Variants in CEACAM19 observed in about 807,000 individuals in gnomAD.
CEACAM19 encodes CEA cell adhesion molecule 19.
Under a neutral mutation model 37.6 loss-of-function variants are expected in CEACAM19, and 37 were observed. The observed-to-expected ratio is 0.98, with a 90% confidence interval of 0.76 to 1.29. The LOEUF (loss-of-function observed/expected upper bound fraction) is 1.29. Among genes scored for constraint, CEACAM19 ranks in the 50% most tolerant of loss-of-function variants. The pLI is 0.00. For missense variants in CEACAM19, 340 were observed against 375.6 expected (o/e 0.91, Z 0.78); for synonymous variants, 140 against 149.8 (o/e 0.93, Z 0.48).
Position 44,684,205 on chromosome 19 carries a change from A to G in CEACAM19, c.*715A>G, listed in dbSNP as rs989067460. The G allele has an allele frequency of 6.6e-6, 1 of 152,048 alleles. No individual in the cohort carries two copies. The highest frequency in any genetic ancestry group is 1.5e-5 in the Non-Finnish European group (1 of 68,078). The allele number at this position is 152,048 out of a possible 1,614,324, so 9.4% of individuals were successfully genotyped here. On this transcript the variant is annotated 3_prime_UTR_variant, in exon 8 of 8. Transcript: ENST00000358777. Reference sequence around the variant, plus strand: ...AGCTTGTCCTCCCCTTCCCCAAACTATGCATTCATTCAGCAATAAATGAGC... The same window carrying G: ...AGCTTGTCCTCCCCTTCCCCAAACTGTGCATTCATTCAGCAATAAATGAGC...
Position 44,678,954 on chromosome 19 carries a change from C to T in CEACAM19, c.659+18C>T, listed in dbSNP as rs1289466434. 1.9e-6 allele frequency: 3 copies of T among 1,612,756 alleles called. No individual in the cohort carries two copies. Among genetic ancestry groups the T allele is most frequent in the African/African-American group, 2.7e-5 (2 of 74,848 alleles). On this transcript the variant is annotated intron_variant, in intron 4 of 7. Coordinates refer to ENST00000358777, the MANE Select transcript of CEACAM19 (RefSeq NM_001127893.3). ...AGCACATGGTTGGTGCTTGTAAATA[C>T]TTATTTAGTGAACTAACAAACTTGC...
intron 7 of CEACAM19, 28 bp downstream of exon 7, chr19:44,682,648 G>A (rs1272379872): frequency 6.3e-7 from 1 of 1,583,128 alleles, no homozygotes; most frequent in Admixed American, 1.8e-5. Context: ...GGGAGGGGTG[G>A]TGGGGATCCC....
At chr19:44,670,781 GAAAAA>G (rs74691226), upstream of CEACAM19, among the ~76,000 whole-genome samples, 6,838 of 57,942 alleles carry the variant, frequency 0.12, 471 homozygotes, top group African/African-American at 0.22. Flanking sequence ...CCTGTCTCAA[GAAAAA>G]AAAAAAAAAA....
At chr19:44,674,941 G>C (rs1973920335) in intron 2 of CEACAM19, among the ~76,000 whole-genome samples, 1 of 152,124 alleles carries the variant, frequency 6.6e-6, no homozygotes, top group Non-Finnish European at 1.5e-5. Flanking sequence ...AAGCTGCACA[G>C]CATGGTCATT....
chr19:44,674,308 G>A (rs1973907962), intron 2 of CEACAM19, among the ~76,000 whole-genome samples: 1 of 151,172 alleles, frequency 6.6e-6, no homozygotes, highest in Admixed American at 6.6e-5. Context: ...TAAATAGATT[G>A]TATGCCCTTA....
At chr19:44,676,108 T>C (rs1212885033) in intron 2 of CEACAM19, among the ~76,000 whole-genome samples, 163 bp from the exon 3 acceptor site, 1 of 151,914 alleles carries the variant, frequency 6.6e-6, no homozygotes, top group Non-Finnish European at 1.5e-5. Context: ...ACCCAGATGG[T>C]TGGATACTCA....
intron 2 of CEACAM19, among the ~76,000 whole-genome samples, 200 bp from the exon 3 acceptor site, chr19:44,676,071 G>A (rs1973942585): frequency 1.3e-5 from 2 of 151,928 alleles, no homozygotes; most frequent in South Asian, 2.1e-4. Flanking sequence ...CGCCCAGCCC[G>A]CTGGGACATG....
chr19:44,673,025 C>T, intron 2 of CEACAM19, 61 bp downstream of exon 2: 1 of 1,351,664 alleles, frequency 7.4e-7, no homozygotes, highest in South Asian at 2.0e-5. Context: ...AGCTACCATG[C>T]ACCAGGTGCT....
At chr19:44,668,080 TTTATATA>T (rs1973770687), upstream of CEACAM19, among the ~76,000 whole-genome samples, 1 of 83,896 alleles carries the variant, frequency 1.2e-5, no homozygotes, top group Non-Finnish European at 2.0e-5. Flanking sequence ...TATAAATATA[TTTATATA>T]TTATATATTT....
intron 6 of CEACAM19, 60 bp from the exon 7 acceptor site, chr19:44,682,507 G>C: frequency 1.3e-6 from 2 of 1,518,470 alleles, no homozygotes; most frequent in Non-Finnish European, 1.8e-6. Context: ...AGCACCAAAG[G>C]TCAAAGTTTA....
Position 44,673,285 on chromosome 19 carries a change from A to G in CEACAM19, c.424+321A>G, listed in dbSNP as rs142034848. On this transcript the variant is annotated intron_variant, in intron 2 of 7. Transcript: ENST00000358777. The stretch of plus-strand genomic sequence containing the variant: ...CTGGTTGTGAGGAATGCATCCCTCA[A>G]TCTTTATGTTTATAAAGCGAGTATT... Among the ~76,000 whole-genome samples, 1,358 of 152,346 alleles carry G rather than the reference A, an allele frequency of 8.9e-3. 8 individuals carry two copies. The highest frequency in any genetic ancestry group is 0.014 in the Non-Finnish European group (977 of 68,026).
rs1403178459 is a variant in CEACAM19, at chr19:44,678,869, G to A, written c.592G>A (p.Gly198Ser). 1.2e-6 allele frequency: 2 copies of A among 1,613,846 alleles called. No homozygotes were observed. Among genetic ancestry groups the A allele is most frequent in the Non-Finnish European group, 1.7e-6 (2 of 1,179,912 alleles). The change falls in exon 4 of 8, where the codon GGC becomes AGC. Residue 198 changes from glycine (G) to serine (S), a missense_variant. Gly to Ser is a moderately conservative substitution (Grantham distance 56). Transcript: ENST00000358777. Reference protein sequence around the residue: ...GQSHRLPAPRGQGSLSILCSA... With the variant: ...GQSHRLPAPRSQGSLSILCSA... ...CCACCCTAGACTGCCTGCTCCGAGG[G>A]GCCAGGGATCTCTGTCCATCTTGTG...
At chr19:44,673,481 T>C (rs971758475) in intron 2 of CEACAM19, among the ~76,000 whole-genome samples, 1 of 152,184 alleles carries the variant, frequency 6.6e-6, no homozygotes, top group Non-Finnish European at 1.5e-5. Flanking sequence ...CAGTTCTTAC[T>C]AGTAGAGGGT....
intron 2 of CEACAM19, among the ~76,000 whole-genome samples, 200 bp from the exon 3 acceptor site, chr19:44,676,071 G>T (rs1973942585): frequency 6.6e-6 from 1 of 151,928 alleles, no homozygotes; most frequent in African/African-American, 2.4e-5. Context: ...CGCCCAGCCC[G>T]CTGGGACATG....
At chr19:44,680,535 C>G (rs1033807954) in intron 5 of CEACAM19, among the ~76,000 whole-genome samples, 3 of 151,952 alleles carry the variant, frequency 2.0e-5, no homozygotes, top group African/African-American at 7.3e-5. Context: ...TTCTCTTCTT[C>G]TCAGTGGCTA....
At position 44,671,877 on chromosome 19, in the gene CEACAM19, C is replaced by G. The variant is rs1973860385; in HGVS notation, c.-55C>G. ...CTTCAGACAGCCAGGGCCCACCCCT[C>G]TGGCCCCCTTAGTGTCCAGCTCGTG... On this transcript the variant is annotated 5_prime_UTR_variant, in exon 1 of 8. Coordinates refer to ENST00000358777, the MANE Select transcript of CEACAM19 (RefSeq NM_001127893.3). 2 of 1,509,880 alleles carry G rather than the reference C, an allele frequency of 1.3e-6. No homozygotes were observed. The highest frequency in any genetic ancestry group is 2.4e-5 in the East Asian group (1 of 42,540). 93.5% of individuals were successfully genotyped at this position (1,509,880 alleles called of 1,614,324 possible).
At chr19:44,683,115 T>C (rs866007028) in intron 7 of CEACAM19, 4 of 310,250 alleles carry the variant, frequency 1.3e-5, no homozygotes, top group Non-Finnish European at 2.4e-5. Context: ...TTTTAATCTG[T>C]CTTTCTGTTT....
At chr19:44,683,054 G>GAC (rs1323333024) in intron 7 of CEACAM19, 2 of 190,534 alleles carry the variant, frequency 1.0e-5, no homozygotes, top group Non-Finnish European at 1.8e-5. Flanking sequence ...CCCTTTCTTG[G>GAC]ACTCTCTCTC....
rs368623873 is a variant in CEACAM19, at chr19:44,671,703, C to T, written c.-229C>T. 7.0e-4 allele frequency: 355 copies of T among 508,416 alleles called. No homozygotes were observed. The highest frequency in any genetic ancestry group is 2.0e-3 in the South Asian group (56 of 27,552). The allele number at this position is 508,416 out of a possible 1,614,324, so 31.5% of individuals were successfully genotyped here. A position where few individuals can be genotyped will look rare whatever the true frequency, so the allele number is the denominator to read the frequency against. On this transcript the variant is annotated 5_prime_UTR_variant, in exon 1 of 8. Transcript: ENST00000358777. ...GGAGTCCTGGGAAGTTCCCCAGTCA[C>T]CCTGAAAAACTGGTTCAACCTCTGT...
Sources: gnomAD v4.1 joint callset for allele counts (sites outside exome capture counted in the v4.1 genomes callset) on GRCh38, gnomAD v4.1.1 for gene constraint, MANE v1.5 for transcripts, NCBI Gene and HGNC (gene_info 2026-07-23, HGNC 2026-07-21) for gene names.